Variants in GRID2 observed in about 807,000 individuals in gnomAD.
GRID2 encodes the protein glutamate ionotropic receptor delta type subunit 2, also known as glutamate receptor ionotropic, delta-2.
GRID2 carries 33 observed loss-of-function variants against 114.8 expected under a neutral mutation model. That is an observed-to-expected ratio of 0.29 (90% CI 0.22 to 0.38). The LOEUF is 0.38. Among genes scored for constraint, GRID2 ranks in the 10% least tolerant of loss-of-function variants. The pLI is 1.00. For synonymous variants in GRID2, 505 were observed against 449.9 expected (o/e 1.12, Z -1.55); for missense variants, 1,184 against 1,257.7 (o/e 0.94, Z 0.89).
At chr4:92,422,326 G>C (rs1474565351) in intron 1 of GRID2, among the ~76,000 whole-genome samples, 1 of 152,128 alleles carries the variant, frequency 6.6e-6, no homozygotes, top group African/African-American at 2.4e-5. Context: ...GAACATTATA[G>C]GCATGAAATG....
chr4:92,551,254 C>CTG (rs34809917), intron 1 of GRID2, among the ~76,000 whole-genome samples: 46,342 of 146,804 alleles, frequency 0.32, 6,952 homozygotes, highest in East Asian at 0.45. Context: ...ACATCTACAC[C>CTG]TGTGTGTGTG....
At chr4:93,669,860 A>G (rs1578522322) in intron 14 of GRID2, among the ~76,000 whole-genome samples, 1 of 152,114 alleles carries the variant, frequency 6.6e-6, no homozygotes, top group African/African-American at 2.4e-5. Flanking sequence ...TACAAGAAAA[A>G]TCATTACTAC....
At chr4:93,255,163 G>T (rs1265750068) in intron 8 of GRID2, among the ~76,000 whole-genome samples, 1 of 151,720 alleles carries the variant, frequency 6.6e-6, no homozygotes, top group Non-Finnish European at 1.5e-5. Context: ...ACATACTAAT[G>T]TTTTTCCAAG....
chr4:92,973,524 A>G (rs1421855846), intron 2 of GRID2, among the ~76,000 whole-genome samples: 1 of 152,138 alleles, frequency 6.6e-6, no homozygotes, highest in East Asian at 1.9e-4. Context: ...TTCTACCTCT[A>G]TTATTTATTA....
At chr4:93,708,525 T>C (rs1433011852) in intron 14 of GRID2, among the ~76,000 whole-genome samples, 1 of 152,008 alleles carries the variant, frequency 6.6e-6, no homozygotes, top group Non-Finnish European at 1.5e-5. Flanking sequence ...GGAGTATATT[T>C]TTCGATCTTT....
Position 93,626,450 on chromosome 4 carries a change from T to C in GRID2, c.2360+15T>C. 4 of 1,553,912 alleles carry C rather than the reference T, an allele frequency of 2.6e-6. No homozygotes were observed. Among genetic ancestry groups the C allele is most frequent in the Non-Finnish European group, 3.5e-6 (4 of 1,133,794 alleles). On this transcript the variant is annotated intron_variant, in intron 14 of 15. Transcript: ENST00000282020. ...TTTTCACAAAGGTAAGATTTGTGTATGACCAAATAAGGGGAGAGATGAAAT... is the reference window on the plus strand; with the variant it reads ...TTTTCACAAAGGTAAGATTTGTGTACGACCAAATAAGGGGAGAGATGAAAT...
chr4:93,461,826 A>AAT (rs1723771384), intron 11 of GRID2, among the ~76,000 whole-genome samples: 2 of 152,170 alleles, frequency 1.3e-5, no homozygotes, highest in Non-Finnish European at 2.9e-5. Context: ...CCATGTCTAC[A>AAT]TACATCTCCT....
At chr4:93,011,701 A>T (rs1361721371) in intron 2 of GRID2, among the ~76,000 whole-genome samples, 3 of 152,256 alleles carry the variant, frequency 2.0e-5, no homozygotes, top group African/African-American at 7.2e-5. Flanking sequence ...GAGATGTATC[A>T]TGTTCCAAAC....
chr4:93,464,274 C>T (rs1046439843), intron 11 of GRID2, among the ~76,000 whole-genome samples: 2 of 151,996 alleles, frequency 1.3e-5, no homozygotes, highest in African/African-American at 4.8e-5. Flanking sequence ...ATGCCCAAAC[C>T]TGAATCCATT....
At chr4:93,003,106 T>C (rs1301567775) in intron 2 of GRID2, among the ~76,000 whole-genome samples, 2 of 151,906 alleles carry the variant, frequency 1.3e-5, no homozygotes, top group African/African-American at 4.8e-5. Flanking sequence ...CAGTGTCTTT[T>C]GCTATATAAA....
intron 8 of GRID2, among the ~76,000 whole-genome samples, chr4:93,357,702 G>A (rs983974591): frequency 6.6e-6 from 1 of 151,418 alleles, no homozygotes; most frequent in Non-Finnish European, 1.5e-5. Flanking sequence ...ATATTAAAAT[G>A]TTTTTCTTTA....
chr4:92,940,439 G>A (rs934031220), intron 2 of GRID2, among the ~76,000 whole-genome samples: 4 of 151,178 alleles, frequency 2.6e-5, no homozygotes, highest in Non-Finnish European at 5.9e-5. Context: ...CTTTGCTGAA[G>A]TTGCTTATCA....
chr4:92,963,701 C>T (rs1009505403), intron 2 of GRID2, among the ~76,000 whole-genome samples: 4 of 151,990 alleles, frequency 2.6e-5, no homozygotes, highest in African/African-American at 9.7e-5. Context: ...TTGATCACCT[C>T]CCATGAATCA....
At chr4:93,242,995 T>A (rs535287763) in intron 8 of GRID2, among the ~76,000 whole-genome samples, 3 of 152,138 alleles carry the variant, frequency 2.0e-5, no homozygotes, top group African/African-American at 7.2e-5. Flanking sequence ...TGTTCCTATG[T>A]CCCAACTCCC....
intron 14 of GRID2, among the ~76,000 whole-genome samples, chr4:93,678,112 G>T (rs374230276): frequency 6.6e-6 from 1 of 152,126 alleles, no homozygotes; most frequent in African/African-American, 2.4e-5. Flanking sequence ...GCCAAGGCTC[G>T]AGAACTGCAT....
At chr4:92,446,323 G>A (rs906668116) in intron 1 of GRID2, among the ~76,000 whole-genome samples, 3 of 152,214 alleles carry the variant, frequency 2.0e-5, no homozygotes, top group African/African-American at 7.2e-5. Context: ...AAATTGGAGT[G>A]GCAAAGAACT....
intron 2 of GRID2, among the ~76,000 whole-genome samples, chr4:92,988,522 A>G (rs1176093506): frequency 1.3e-5 from 2 of 152,184 alleles, no homozygotes; most frequent in African/African-American, 4.8e-5. Context: ...GAAACAGGTC[A>G]CTAGATCCAG....
At chr4:93,097,994 T>G (rs1388738693) in intron 3 of GRID2, among the ~76,000 whole-genome samples, 1 of 151,964 alleles carries the variant, frequency 6.6e-6, no homozygotes, top group Non-Finnish European at 1.5e-5. Flanking sequence ...TGATGTTAAT[T>G]TCAGATATCT....
intron 14 of GRID2, among the ~76,000 whole-genome samples, chr4:93,696,463 T>G (rs1727029705): frequency 6.6e-6 from 1 of 152,212 alleles, no homozygotes; most frequent in Non-Finnish European, 1.5e-5. Context: ...GCTGCAGGAT[T>G]TGATACTTCT....
Sources: gnomAD v4.1 joint callset for allele counts (sites outside exome capture counted in the v4.1 genomes callset) on GRCh38, gnomAD v4.1.1 for gene constraint, MANE v1.5 for transcripts, NCBI Gene and HGNC (gene_info 2026-07-23, HGNC 2026-07-21) for gene names.